The following CA10 variants were observed in gnomAD, a reference collection of about 807,000 sequenced individuals.
The protein encoded by CA10 is carbonic anhydrase-related protein 10.
CA10 carries 14 observed loss-of-function variants against 44.2 expected under a neutral mutation model. That is an observed-to-expected ratio of 0.32 (90% CI 0.21 to 0.50). The LOEUF (loss-of-function observed/expected upper bound fraction) is 0.50, where lower values mean the gene tolerates loss of function less well. Ranked by LOEUF, CA10 falls within the 20% of genes least tolerant of loss-of-function variation. The pLI is 0.99. For missense variants in CA10, 350 were observed against 409.7 expected, an observed-to-expected ratio of 0.85 and a Z score of 1.26; for synonymous variants, 159 against 141.6, an observed-to-expected ratio of 1.12 and a Z score of -0.87.
At chr17:51,873,390 C>T (rs546885569) in intron 3 of CA10, among the ~76,000 whole-genome samples, 3 of 152,236 alleles carry the variant, frequency 2.0e-5, no homozygotes, top group South Asian at 2.1e-4. Flanking sequence ...AACATAAACT[C>T]CTTCACAGAG....
intron 1 of CA10, among the ~76,000 whole-genome samples, chr17:52,081,789 G>A (rs1178534319): frequency 1.8e-5 from 2 of 113,580 alleles, no homozygotes; most frequent in East Asian, 5.2e-4. Context: ...GACAGAGCGA[G>A]ACTCCGTCTC....
At chr17:51,713,620 CTGT>C (rs1916010489) in intron 4 of CA10, among the ~76,000 whole-genome samples, 1 of 152,228 alleles carries the variant, frequency 6.6e-6, no homozygotes, top group Non-Finnish European at 1.5e-5. Context: ...GTACAGGCAT[CTGT>C]TGTTATCTTG....
At chr17:51,886,080 A>T (rs1980586114) in intron 3 of CA10, among the ~76,000 whole-genome samples, 1 of 152,212 alleles carries the variant, frequency 6.6e-6, no homozygotes. Context: ...CAGGAGGACA[A>T]AAAACTGGAC....
At chr17:51,970,682 T>C (rs1367905793) in intron 2 of CA10, among the ~76,000 whole-genome samples, 1 of 152,134 alleles carries the variant, frequency 6.6e-6, no homozygotes, top group Non-Finnish European at 1.5e-5. Context: ...TCTTTCCAAG[T>C]TACTAAAGCT....
intron 2 of CA10, among the ~76,000 whole-genome samples, chr17:51,960,038 A>G (rs2144048610): frequency 6.6e-6 from 1 of 152,114 alleles, no homozygotes; most frequent in South Asian, 2.1e-4. Flanking sequence ...GAAAAGAAAA[A>G]AATTCTTTTA....
At chr17:51,975,904 A>T (rs1399351071) in intron 2 of CA10, among the ~76,000 whole-genome samples, 1 of 150,612 alleles carries the variant, frequency 6.6e-6, no homozygotes, top group East Asian at 1.9e-4. Context: ...GCAAGAGTCA[A>T]CTATATGCTG....
At chr17:51,688,307 A>G (rs1293560192) in intron 4 of CA10, among the ~76,000 whole-genome samples, 1 of 152,302 alleles carries the variant, frequency 6.6e-6, no homozygotes, top group East Asian at 1.9e-4. Flanking sequence ...GATTCCTGAA[A>G]CAGTGAGGTA....
chr17:51,867,247 G>A (rs748914427), intron 3 of CA10, among the ~76,000 whole-genome samples: 1 of 152,266 alleles, frequency 6.6e-6, no homozygotes, highest in African/African-American at 2.4e-5. Context: ...TCCTGGTACT[G>A]ATGACTCGTG....
chr17:52,156,529 G>A (rs1403428461), intron 1 of CA10, among the ~76,000 whole-genome samples: 1 of 152,198 alleles, frequency 6.6e-6, no homozygotes, highest in East Asian at 1.9e-4. Flanking sequence ...ACTGGGATTT[G>A]GAACAGAGTC....
chr17:51,740,119 T>C (rs927902913), intron 4 of CA10, among the ~76,000 whole-genome samples: 2 of 152,258 alleles, frequency 1.3e-5, no homozygotes, highest in Non-Finnish European at 2.9e-5. Flanking sequence ...CTATTGGGTA[T>C]AATCTAGGTA....
intron 3 of CA10, among the ~76,000 whole-genome samples, chr17:51,883,407 C>T (rs1250878301): frequency 6.6e-6 from 1 of 152,132 alleles, no homozygotes; most frequent in East Asian, 1.9e-4. Flanking sequence ...TAAAAGTCCT[C>T]AAGAGTTATC....
chr17:51,907,812 CT>C (rs1598111515), intron 3 of CA10, among the ~76,000 whole-genome samples: 1 of 152,150 alleles, frequency 6.6e-6, no homozygotes, highest in Non-Finnish European at 1.5e-5. Context: ...TTCTTTCTTC[CT>C]TTTCCCCGCA....
At chr17:52,074,516 C>T (rs1387912350) in intron 1 of CA10, among the ~76,000 whole-genome samples, 2 of 152,134 alleles carry the variant, frequency 1.3e-5, no homozygotes, top group Non-Finnish European at 1.5e-5. Flanking sequence ...ACCATAAATC[C>T]AGCCTTCTCT....
chr17:52,121,573 CA>C (rs968604315), intron 1 of CA10, among the ~76,000 whole-genome samples: 1 of 149,596 alleles, frequency 6.7e-6, no homozygotes, highest in Non-Finnish European at 1.5e-5. Flanking sequence ...ACCTTCATTT[CA>C]AAAAAAAAGA....
At chr17:51,831,138 C>G (rs116338129) in intron 3 of CA10, among the ~76,000 whole-genome samples, 148 of 152,244 alleles carry the variant, frequency 9.7e-4, no homozygotes, top group African/African-American at 3.5e-3. Flanking sequence ...CATTCCAGCA[C>G]GTGCAGAACT....
chr17:51,981,512 C>T (rs918558220), intron 2 of CA10, among the ~76,000 whole-genome samples: 1 of 151,740 alleles, frequency 6.6e-6, no homozygotes, highest in Admixed American at 6.6e-5. Context: ...TTGATTCTCT[C>T]TGAGAGAGTG....
At chr17:51,682,682 T>C (rs889249654) in intron 4 of CA10, among the ~76,000 whole-genome samples, 1 of 152,210 alleles carries the variant, frequency 6.6e-6, no homozygotes, top group Non-Finnish European at 1.5e-5. Context: ...GGCCATATAT[T>C]CTATGAGAAC....
At chr17:51,709,536 G>A (rs1281229049) in intron 4 of CA10, among the ~76,000 whole-genome samples, 1 of 152,116 alleles carries the variant, frequency 6.6e-6, no homozygotes, top group African/African-American at 2.4e-5. Flanking sequence ...AAAAATAGAT[G>A]GTGGACCCCA....
intron 3 of CA10, among the ~76,000 whole-genome samples, chr17:51,904,541 AT>A (rs1158817053): frequency 6.6e-6 from 1 of 152,176 alleles, no homozygotes; most frequent in Admixed American, 6.6e-5. Context: ...TTTGCTAGGG[AT>A]TTTTCACCAG....
Sources: allele counts gnomAD v4.1 joint callset (sites outside exome capture counted in the v4.1 genomes callset), GRCh38; gene constraint gnomAD v4.1.1; transcripts MANE v1.5; gene names NCBI Gene and HGNC (gene_info 2026-07-23, HGNC 2026-07-21).